The following RHOQ variants were observed in gnomAD, a reference collection of about 807,000 sequenced individuals.
RHOQ encodes ras homolog family member Q.
In RHOQ, 7 loss-of-function variants were observed where a neutral mutation model predicts 25.8. That is an observed-to-expected ratio of 0.27 (90% CI 0.15 to 0.51). The LOEUF (loss-of-function observed/expected upper bound fraction) is 0.51. Ranked by LOEUF, RHOQ falls within the 20% of genes least tolerant of loss-of-function variation. The probability of loss-of-function intolerance (pLI) is 0.97; values close to 1 mark genes in which losing one functional copy is unlikely to be tolerated. For missense variants in RHOQ, 165 were observed against 260.6 expected, an observed-to-expected ratio of 0.63 and a Z score of 2.53; for synonymous variants, 97 against 98.6, an observed-to-expected ratio of 0.98 and a Z score of 0.10.
At chr2:46,559,527 T>A (rs1197727747) in intron 2 of RHOQ, among the ~76,000 whole-genome samples, 1 of 152,176 alleles carries the variant, frequency 6.6e-6, no homozygotes, top group Non-Finnish European at 1.5e-5. Flanking sequence ...TTCAGTACTG[T>A]TGACATTGAA....
At chr2:46,570,886 A>C (rs1469242689) in intron 2 of RHOQ, among the ~76,000 whole-genome samples, 1 of 152,050 alleles carries the variant, frequency 6.6e-6, no homozygotes, top group Non-Finnish European at 1.5e-5. Flanking sequence ...ACAGAGGAAA[A>C]CTCTAGTAGG....
intron 2 of RHOQ, among the ~76,000 whole-genome samples, chr2:46,558,953 G>A (rs1345522076): frequency 6.6e-6 from 1 of 151,810 alleles, no homozygotes; most frequent in East Asian, 1.9e-4. Context: ...AGCGGTTTAG[G>A]TTTTGTTTTG....
In RHOQ at chr2:46,542,977, G is replaced by C. The variant is rs1572728954; in HGVS notation, c.-70G>C. The C allele has an allele frequency of 8.1e-7, 1 of 1,233,464 alleles. No homozygotes were observed. Among genetic ancestry groups the C allele is most frequent in the Non-Finnish European group, 1.0e-6 (1 of 953,004 alleles). The allele number at this position is 1,233,464 out of a possible 1,614,324, so 76.4% of individuals were successfully genotyped here. A position where few individuals can be genotyped will look rare whatever the true frequency, so the allele number is the denominator to read the frequency against. The stretch of plus-strand genomic sequence containing the variant: ...CGACGGCGGCGGACCCCCCAGGCGG[G>C]CTGGGGCTGAGCCCGGGGCCGGGGC... On this transcript the variant is annotated 5_prime_UTR_variant, in exon 1 of 5. Coordinates refer to ENST00000238738, the MANE Select transcript of RHOQ (RefSeq NM_012249.4).
Position 46,581,580 on chromosome 2 carries a change from G to A in RHOQ, c.*497G>A, listed in dbSNP as rs775377768. ...CAAAGGTCGCTCCAAGCGTACAGGAGATGGGCCATACCTGAGGAGAGAATG... is the reference window on the plus strand; with the variant it reads ...CAAAGGTCGCTCCAAGCGTACAGGAAATGGGCCATACCTGAGGAGAGAATG... On this transcript the variant is annotated 3_prime_UTR_variant, in exon 5 of 5. Transcript: ENST00000238738. 37 of 1,611,282 alleles carry A rather than the reference G, an allele frequency of 2.3e-5. No homozygotes were observed. Among genetic ancestry groups the A allele is most frequent in the Non-Finnish European group, 3.0e-5 (35 of 1,179,470 alleles).
intron 2 of RHOQ, among the ~76,000 whole-genome samples, chr2:46,565,956 G>A (rs1668719188): frequency 6.6e-6 from 1 of 152,238 alleles, no homozygotes; most frequent in Non-Finnish European, 1.5e-5. Context: ...GGGGTTCAGA[G>A]AAGATCTGCT....
At chr2:46,565,823 G>T (rs565355428) in intron 2 of RHOQ, among the ~76,000 whole-genome samples, 1 of 152,346 alleles carries the variant, frequency 6.6e-6, no homozygotes, top group South Asian at 2.1e-4. Flanking sequence ...AGGGAGTCCT[G>T]ATGCAGAAGG....
intron 4 of RHOQ, among the ~76,000 whole-genome samples, chr2:46,577,396 CTTT>C (rs745605616): frequency 2.7e-5 from 3 of 110,154 alleles, no homozygotes; most frequent in African/African-American, 1.1e-4. Context: ...CATATATGGT[CTTT>C]TTTTTTTTTT....
In RHOQ at chr2:46,548,300, C is replaced by T. The variant is rs923190347; in HGVS notation, c.201+4488C>T. 1.8e-4 allele frequency among the ~76,000 whole-genome samples: 27 copies of T among 152,312 alleles called. No homozygotes were observed. The highest frequency in any genetic ancestry group is 6.5e-4 in the African/African-American group (27 of 41,564). ...CTCTGGGTGCCCACAAGGCACTTCC[C>T]CTACAGAAGGGAATCTCCACCGGAG... On this transcript the variant is annotated intron_variant, in intron 2 of 4. Transcript: ENST00000238738. The surrounding 1 kb of genome is among the most constrained non-coding windows in gnomAD (Gnocchi z 5.2).
intron 2 of RHOQ, chr2:46,572,586 A>G (rs1172587854): frequency 6.5e-6 from 2 of 308,884 alleles, no homozygotes; most frequent in Non-Finnish European, 1.3e-5. Flanking sequence ...TAAACTCACC[A>G]GTTCTTTCAT....
chr2:46,543,933 G>A (rs538250760), intron 2 of RHOQ, 121 bp downstream of exon 2: 48 of 744,304 alleles, frequency 6.4e-5, no homozygotes, highest in Non-Finnish European at 1.0e-4. Flanking sequence ...GGCTTCCCCT[G>A]GATTAGGTCT....
At chr2:46,568,770 C>G (rs564083129) in intron 2 of RHOQ, 8 of 152,248 alleles carry the variant, frequency 5.3e-5, no homozygotes, top group African/African-American at 1.9e-4. Context: ...GCTGAGAGCC[C>G]TGTGCCTACT....
At chr2:46,546,398 A>C (rs1413664734) in intron 2 of RHOQ, among the ~76,000 whole-genome samples, 1 of 145,946 alleles carries the variant, frequency 6.9e-6, no homozygotes, top group Non-Finnish European at 1.5e-5. Context: ...TAAAAAGTAA[A>C]TAAAAAACAT....
chr2:46,561,120 T>C (rs2104002489), intron 2 of RHOQ, among the ~76,000 whole-genome samples: 1 of 151,098 alleles, frequency 6.6e-6, no homozygotes, highest in East Asian at 1.9e-4. Flanking sequence ...GTGCGCACGT[T>C]TATATGTCTG....
At chr2:46,545,639 G>T (rs1668020863) in intron 2 of RHOQ, among the ~76,000 whole-genome samples, 1 of 152,206 alleles carries the variant, frequency 6.6e-6, no homozygotes, top group African/African-American at 2.4e-5. Context: ...ACTGAGGGGT[G>T]TTGCTAGGAT....
At chr2:46,570,452 A>T (rs960936146) in intron 2 of RHOQ, among the ~76,000 whole-genome samples, 3 of 152,146 alleles carry the variant, frequency 2.0e-5, no homozygotes, top group Non-Finnish European at 4.4e-5. Context: ...AAAAATAAAA[A>T]AAAAAAAAGA....
chr2:46,581,418 T>G lies in RHOQ; in HGVS notation c.*335T>G. On this transcript the variant is annotated 3_prime_UTR_variant, in exon 5 of 5. Coordinates refer to ENST00000238738, the MANE Select transcript of RHOQ (RefSeq NM_012249.4). Reference sequence around the variant, plus strand: ...AAATGGAACTGCTTGGCTTTGACCATACACATTTCTGCCCAGCCCTTACAG... The same window carrying G: ...AAATGGAACTGCTTGGCTTTGACCAGACACATTTCTGCCCAGCCCTTACAG... The G allele has an allele frequency of 1.9e-6, 3 of 1,575,558 alleles. No homozygotes were observed. Among genetic ancestry groups the G allele is most frequent in the Non-Finnish European group, 2.6e-6 (3 of 1,160,198 alleles).
chr2:46,580,898 T>C, intron 4 of RHOQ, 30 bp from the exon 5 acceptor site: 1 of 1,443,982 alleles, frequency 6.9e-7, no homozygotes, highest in Non-Finnish European at 9.1e-7. Context: ...CATGATCTTA[T>C]ATATTTGTGA....
At chr2:46,551,967 C>T (rs1396310772) in intron 2 of RHOQ, among the ~76,000 whole-genome samples, 1 of 152,166 alleles carries the variant, frequency 6.6e-6, no homozygotes, top group East Asian at 1.9e-4. Context: ...AAGGCAAAGC[C>T]GAGATCACCA....
In RHOQ at chr2:46,581,638, T is replaced by C; in HGVS notation, c.*555T>C. The C allele has an allele frequency of 1.9e-6, 3 of 1,587,036 alleles. No homozygotes were observed. Among genetic ancestry groups the C allele is most frequent in the Non-Finnish European group, 2.6e-6 (3 of 1,166,204 alleles). ...TCAAAAAAGAACAAATGTTTTATTA[T>C]TACTTGAGCACAAGTGTAACCTAAA... On this transcript the variant is annotated 3_prime_UTR_variant, in exon 5 of 5. Coordinates refer to ENST00000238738, the MANE Select transcript of RHOQ (RefSeq NM_012249.4).
Sources: gnomAD v4.1 joint callset for allele counts (sites outside exome capture counted in the v4.1 genomes callset) on GRCh38, gnomAD v4.1.1 for gene constraint, Gnocchi (gnomAD v3.1) non-coding constraint, MANE v1.5 for transcripts, NCBI Gene and HGNC (gene_info 2026-07-23, HGNC 2026-07-21) for gene names.